GARIN5A: variants seen among roughly 807,000 people sequenced by gnomAD.
The protein encoded by GARIN5A is Golgi-associated RAB2 interactor protein 5A.
chr19:50,475,916 G>A, the GARIN5A span: 1 of 1,613,842 alleles, frequency 6.2e-7, no homozygotes, highest in Non-Finnish European at 8.5e-7. Flanking sequence ...AGCCGTCTGG[G>A]ACGGCCCGTG....
chr19:50,468,098 C>A, the GARIN5A span, among the ~76,000 whole-genome samples: 1 of 152,180 alleles, frequency 6.6e-6, no homozygotes, highest in African/African-American at 2.4e-5. Flanking sequence ...TGGTGGCTCA[C>A]GCCTGTGATC....
At chr19:50,474,922 G>A in the GARIN5A span, among the ~76,000 whole-genome samples, 1 of 152,194 alleles carries the variant, frequency 6.6e-6, no homozygotes, top group Admixed American at 6.5e-5. Flanking sequence ...GAGCCACAGT[G>A]GGACCCTGGG....
At chr19:50,472,449 C>T in the GARIN5A span, among the ~76,000 whole-genome samples, 5 of 151,966 alleles carry the variant, frequency 3.3e-5, no homozygotes, top group Non-Finnish European at 7.4e-5. Flanking sequence ...GTTCTCACTT[C>T]AGTGGTATGT....
the GARIN5A span, among the ~76,000 whole-genome samples, chr19:50,470,875 C>CA: frequency 1.2e-4 from 18 of 151,868 alleles, no homozygotes; most frequent in Admixed American, 1.2e-3. Context: ...AGGTTGGTCT[C>CA]AAACTCCTGA....
the GARIN5A span, among the ~76,000 whole-genome samples, chr19:50,473,433 T>C: frequency 6.6e-5 from 10 of 152,126 alleles, no homozygotes; most frequent in Non-Finnish European, 1.5e-4. Context: ...CACAGTTCAC[T>C]GCAGCCTCGA....
At chr19:50,475,650 T>G in the GARIN5A span, 12 of 685,302 alleles carry the variant, frequency 1.8e-5, no homozygotes, top group Admixed American at 3.3e-4. Flanking sequence ...GGCAAGGGAG[T>G]TACAGGCCAG....
chr19:50,475,702 G>A, the GARIN5A span: 802 of 724,784 alleles, frequency 1.1e-3, 6 homozygotes, highest in African/African-American at 0.013. Context: ...TGGGGTGTCA[G>A]AGATCACATA....
chr19:50,476,731 A>G, the GARIN5A span: 1 of 981,248 alleles, frequency 1.0e-6, no homozygotes, highest in Non-Finnish European at 1.4e-6. Flanking sequence ...TAGGTGAGTT[A>G]CAGACGGAAG....
At chr19:50,467,420 GTCCA>G in the GARIN5A span, 10 of 617,098 alleles carry the variant, frequency 1.6e-5, no homozygotes, top group South Asian at 2.0e-5. Flanking sequence ...AGACCCAGGA[GTCCA>G]GGACCCCAGC....
chr19:50,472,079 CATGTGTGTAT>C, the GARIN5A span, among the ~76,000 whole-genome samples: 4 of 98,366 alleles, frequency 4.1e-5, 1 homozygote, highest in African/African-American at 1.5e-4. Context: ...TGTATATATA[CATGTGTGTAT>C]ATGTATATGT....
the GARIN5A span, among the ~76,000 whole-genome samples, chr19:50,470,749 G>A: frequency 6.8e-6 from 1 of 147,540 alleles, no homozygotes; most frequent in African/African-American, 2.5e-5. Context: ...CCACCTCCTC[G>A]GTTCAAGTGA....
chr19:50,472,178 G>A, the GARIN5A span, among the ~76,000 whole-genome samples: 1 of 144,910 alleles, frequency 6.9e-6, no homozygotes, highest in Admixed American at 6.8e-5. Flanking sequence ...GTGTGTATAT[G>A]TATGTATACA....
At chr19:50,476,272 T>C in the GARIN5A span, 5 of 1,607,788 alleles carry the variant, frequency 3.1e-6, no homozygotes, top group Non-Finnish European at 4.2e-6. Flanking sequence ...CTACGCGCAC[T>C]GTGACGTCAT....
At chr19:50,475,644 A>C in the GARIN5A span, 1 of 680,062 alleles carries the variant, frequency 1.5e-6, no homozygotes, top group Non-Finnish European at 2.5e-6. Flanking sequence ...AACTGAGGCA[A>C]GGGAGTTACA....
At chr19:50,471,616 ATATATATGTGTGTATACATGTGTG>A in the GARIN5A span, among the ~76,000 whole-genome samples, 3 of 150,974 alleles carry the variant, frequency 2.0e-5, no homozygotes, top group South Asian at 2.1e-4. Flanking sequence ...ATATGTGTGT[ATATATATGTGTGTATACATGTGTG>A]TATATACGCA....
chr19:50,475,410 C>T, the GARIN5A span: 1 of 1,610,182 alleles, frequency 6.2e-7, no homozygotes, highest in East Asian at 2.2e-5. Context: ...CTGGAGGCTG[C>T]CACCCCCATG....
chr19:50,476,003 C>T, the GARIN5A span: 3 of 1,602,732 alleles, frequency 1.9e-6, no homozygotes, highest in Non-Finnish European at 2.6e-6. Context: ...CCTGGCTTCC[C>T]AACTGAGAGG....
the GARIN5A span, chr19:50,475,791 G>T: frequency 7.0e-7 from 1 of 1,422,854 alleles, no homozygotes; most frequent in Admixed American, 1.7e-5. Context: ...AGGTCGAGGG[G>T]CAGGCCGAGG....
At chr19:50,475,290 G>A in the GARIN5A span, 1 of 1,547,078 alleles carries the variant, frequency 6.5e-7, no homozygotes, top group Non-Finnish European at 8.8e-7. Context: ...GGAGCTGAGG[G>A]AGGAAGGGGT....
Sources: gnomAD v4.1 joint callset for allele counts (sites outside exome capture counted in the v4.1 genomes callset) on GRCh38, gnomAD v4.1.1 for gene constraint, MANE v1.5 for transcripts, NCBI Gene and HGNC (gene_info 2026-07-23, HGNC 2026-07-21) for gene names.